The following FAM83D variants were observed in gnomAD, a reference collection of about 807,000 sequenced individuals.
FAM83D encodes the protein scaffolding CK1 anchoring protein D.
Under a neutral mutation model 25.4 loss-of-function variants are expected in FAM83D, and 26 were observed. The observed-to-expected ratio is 1.02, with a 90% CI of 0.75 to 1.42. The LOEUF is 1.42. FAM83D is among the 40% of genes most tolerant of loss of function. The probability of loss-of-function intolerance (pLI) is 0.00; values close to 1 mark genes in which losing one functional copy is unlikely to be tolerated. For missense variants in FAM83D, 740 were observed against 758.1 expected (o/e 0.98, Z 0.28); for synonymous variants, 310 against 318.5 (o/e 0.97, Z 0.28).
intron 2 of FAM83D, among the ~76,000 whole-genome samples, chr20:38,945,389 G>A (rs190192686): frequency 2.0e-5 from 3 of 151,856 alleles, no homozygotes; most frequent in East Asian, 1.9e-4. Flanking sequence ...TTCCCTAGTC[G>A]TTTTTCTTTT....
chr20:38,948,319 A>G (rs988867240), intron 3 of FAM83D, among the ~76,000 whole-genome samples: 1 of 152,232 alleles, frequency 6.6e-6, no homozygotes, highest in African/African-American at 2.4e-5. Flanking sequence ...AGCAACACAC[A>G]GTCTGGAATC....
At chr20:38,950,993 ATG>A (rs2085751227) in intron 3 of FAM83D, among the ~76,000 whole-genome samples, 1 of 151,918 alleles carries the variant, frequency 6.6e-6, no homozygotes, top group African/African-American at 2.4e-5. Context: ...CTAATTTTTT[ATG>A]TGTTTTTACT....
chr20:38,941,919 C>G, intron 1 of FAM83D, 40 bp from the exon 2 acceptor site: 1 of 1,609,012 alleles, frequency 6.2e-7, no homozygotes, highest in Non-Finnish European at 8.5e-7. Flanking sequence ...AGGTGGTGTC[C>G]TATAAGCTTA....
At chr20:38,943,910 T>C (rs1327459237) in intron 2 of FAM83D, among the ~76,000 whole-genome samples, 1 of 152,242 alleles carries the variant, frequency 6.6e-6, no homozygotes, top group East Asian at 1.9e-4. Context: ...CAGGCTGGTC[T>C]CAAACTCCTG....
chr20:38,947,764 C>A, intron 2 of FAM83D, 112 bp from the exon 3 acceptor site: 2 of 1,319,722 alleles, frequency 1.5e-6, no homozygotes, highest in Non-Finnish European at 2.1e-6. Context: ...CACGCATATG[C>A]CAATAATTAT....
At position 38,952,562 on chromosome 20, in the gene FAM83D, T is replaced by G; in HGVS notation, c.*42T>G. 1 of 1,569,054 alleles carries G rather than the reference T, an allele frequency of 6.4e-7. No individual in the cohort carries two copies. Among genetic ancestry groups the G allele is most frequent in the African/African-American group, 1.4e-5 (1 of 73,580 alleles). ...CTCCTGGTTTCTTCCAGGCTTACAG[T>G]GGACATCATCAGCTTCCTGCTTTAA... On this transcript the variant is annotated 3_prime_UTR_variant, in exon 4 of 4. Coordinates refer to ENST00000619850, the MANE Select transcript of FAM83D (RefSeq NM_030919.3).
chr20:38,950,513 C>G (rs2085748331), intron 3 of FAM83D, among the ~76,000 whole-genome samples: 1 of 152,202 alleles, frequency 6.6e-6, no homozygotes, highest in African/African-American at 2.4e-5. Context: ...AAAATGGCAG[C>G]ACAGCCCCAT....
rs1298505028 is a variant in FAM83D at position 38,952,478 on chromosome 20, G to T, written c.1716G>T (p.Leu572Phe). The change falls in exon 4 of 4, where the codon TTG becomes TTT. Residue 572 changes from leucine (L) to phenylalanine (F), a missense_variant. Leu to Phe is a conservative substitution (Grantham distance 22). Around this residue, in one of 3 missense-constraint regions of FAM83D, gnomAD observed 375 missense variants for 403.2 expected, o/e 0.93. Coordinates refer to ENST00000619850, the MANE Select transcript of FAM83D (RefSeq NM_030919.3). ...LHSGNFSRVNLLAVRDVALYP... is the reference protein window; with the variant it reads ...LHSGNFSRVNFLAVRDVALYP... Reference sequence around the variant, plus strand: ...CTGGCAATTTCAGCAGAGTTAATTTGCTTGCTGTTAGAGATGTAGCACTTT... The same window carrying T: ...CTGGCAATTTCAGCAGAGTTAATTTTCTTGCTGTTAGAGATGTAGCACTTT... 1 of 1,614,098 alleles carries T rather than the reference G, an allele frequency of 6.2e-7. No individual in the cohort carries two copies. The highest frequency in any genetic ancestry group is 1.1e-5 in the South Asian group (1 of 91,086).
chr20:38,942,088 A>G lies in FAM83D; in HGVS notation c.613A>G (p.Met205Val), dbSNP rs2085705210. 6.2e-7 allele frequency: 1 copy of G among 1,614,090 alleles called. No homozygotes were observed. Among genetic ancestry groups the G allele is most frequent in the Non-Finnish European group, 8.5e-7 (1 of 1,180,036 alleles). The change falls in exon 2 of 4, where the codon ATG becomes GTG. Residue 205 changes from methionine (M) to valine (V), a missense_variant. This residue lies in a region of FAM83D where 333 missense variants were observed against 298.6 expected (regional missense o/e 1.12). Coordinates refer to ENST00000619850, the MANE Select transcript of FAM83D (RefSeq NM_030919.3). ...DQALLSQFLD[M>V]CMDLKVHPEQ... ...GGCTCTCCTCTCTCAATTTCTGGAT[A>G]TGTGCATGGATCTGAAAGTTCATCC...
rs1265092251 is a variant in FAM83D at position 38,951,873 on chromosome 20, GA to G, written c.1113del (p.Asp372ThrfsTer31). On this transcript the variant is annotated frameshift_variant, in exon 4 of 4. Coordinates refer to ENST00000619850, the MANE Select transcript of FAM83D (RefSeq NM_030919.3). LOFTEE classifies it low-confidence loss of function (END_TRUNC). ...HDCESSTVSE[E>X]DYFSSHRDEL... ...CTGTGAGTCCTCTACTGTTAGTGAG[GA>G]AGACTACTTCAGCAGCCACAGGGAC... The G allele has an allele frequency of 6.2e-7, 1 of 1,614,086 alleles. No individual in the cohort carries two copies. Among genetic ancestry groups the G allele is most frequent in the Admixed American group, 1.7e-5 (1 of 60,010 alleles).
Position 38,926,454 on chromosome 20 carries a change from G to A in FAM83D, c.12G>A (p.Leu4=), listed in dbSNP as rs757868001. Residue 4 remains leucine (L), a synonymous_variant, in exon 1 of 4, where the codon CTG becomes CTA. Coordinates refer to ENST00000619850, the MANE Select transcript of FAM83D (RefSeq NM_030919.3). ...GTCCGAGCGCCGCCATGGCTCTGCT[G>A]TCCGAGGGCCTGGACGAGGTGCCCG... MAL[L]SEGLDEVPAA... 1.3e-6 allele frequency: 2 copies of A among 1,598,872 alleles called. No individual in the cohort carries two copies. The highest frequency in any genetic ancestry group is 1.1e-5 in the South Asian group (1 of 90,950).
At chr20:38,928,221 G>T (rs2145798345) in intron 1 of FAM83D, among the ~76,000 whole-genome samples, 1 of 152,372 alleles carries the variant, frequency 6.6e-6, no homozygotes, top group South Asian at 2.1e-4. Flanking sequence ...AGACTTGTTA[G>T]GGCTGGTACC....
At chr20:38,936,162 CTG>C (rs1491147483) in intron 1 of FAM83D, among the ~76,000 whole-genome samples, 67 of 152,008 alleles carry the variant, frequency 4.4e-4, no homozygotes, top group Admixed American at 4.4e-3. Context: ...GGGAGGGAAA[CTG>C]AGGTGCAGTG....
Position 38,942,129 on chromosome 20 carries a change from T to G in FAM83D, c.651+3T>G, listed in dbSNP as rs1205431628. On this transcript the variant is annotated splice_donor_region_variant and intron_variant, in intron 2 of 3. Transcript: ENST00000619850. ...AAGTTCATCCTGAACAGGAAAAGGTTTGTGGTACACTATATCCAGTTTCAC... is the reference window on the plus strand; with the variant it reads ...AAGTTCATCCTGAACAGGAAAAGGTGTGTGGTACACTATATCCAGTTTCAC... 1 of 1,614,154 alleles carries G rather than the reference T, an allele frequency of 6.2e-7. No homozygotes were observed. Among genetic ancestry groups the G allele is most frequent in the Admixed American group, 1.7e-5 (1 of 60,022 alleles).
chr20:38,949,886 C>T (rs193065971), intron 3 of FAM83D, among the ~76,000 whole-genome samples: 8 of 151,990 alleles, frequency 5.3e-5, no homozygotes, highest in African/African-American at 1.2e-4. Context: ...TGGACGATCT[C>T]GGCTCACTGC....
intron 1 of FAM83D, among the ~76,000 whole-genome samples, chr20:38,936,866 A>G (rs1300288147): frequency 6.6e-6 from 1 of 152,216 alleles, no homozygotes; most frequent in East Asian, 1.9e-4. Context: ...TAACATAAAC[A>G]GGGTCTGTGA....
intron 3 of FAM83D, 48 bp from the exon 4 acceptor site, chr20:38,951,491 A>G (rs1446592010): frequency 1.3e-6 from 2 of 1,565,162 alleles, no homozygotes; most frequent in Non-Finnish European, 1.7e-6. Context: ...AGTAAAACAA[A>G]ATTGCTCATC....
intron 2 of FAM83D, among the ~76,000 whole-genome samples, chr20:38,946,252 G>GT (rs2145807051): frequency 6.7e-6 from 1 of 148,582 alleles, no homozygotes; most frequent in East Asian, 2.0e-4. Context: ...TTTGTCTGAT[G>GT]TTTTATCAAA....
In FAM83D at chr20:38,926,747, T is replaced by G. The variant is rs2085637203; in HGVS notation, c.305T>G (p.Phe102Cys). 1 of 1,537,370 alleles carries G rather than the reference T, an allele frequency of 6.5e-7. No homozygotes were observed. The highest frequency in any genetic ancestry group is 1.4e-5 in the African/African-American group (1 of 72,060). The change falls in exon 1 of 4, where the codon TTC (phenylalanine) becomes TGC (cysteine). Residue 102 changes from phenylalanine to cysteine, a missense_variant. Around this residue, in one of 3 missense-constraint regions of FAM83D, gnomAD observed 333 missense variants for 298.6 expected, o/e 1.12. Transcript: ENST00000619850. The stretch of plus-strand genomic sequence containing the variant: ...CACGACTGCTCTTCGGGCACCTACT[T>G]CCCCGAGCAGTCGGACCTGGAGCCA... ...SSHDCSSGTY[F>C]PEQSDLEPPL...
Sources: allele counts gnomAD v4.1 joint callset (sites outside exome capture counted in the v4.1 genomes callset), GRCh38; gene constraint gnomAD v4.1.1; regional missense constraint gnomAD v4.1.1; transcripts MANE v1.5; gene names NCBI Gene and HGNC (gene_info 2026-07-23, HGNC 2026-07-21).